The following SUZ12 variants were observed in gnomAD, a reference collection of about 807,000 sequenced individuals.
SUZ12 encodes the protein SUZ12 polycomb repressive complex 2 subunit.
Under a neutral mutation model 87.3 loss-of-function variants are expected in SUZ12, and 17 were observed. The ratio of observed to expected loss-of-function variants is 0.19; its 90% CI spans 0.13 to 0.29. The LOEUF (loss-of-function observed/expected upper bound fraction) is 0.29. SUZ12 is among the 10% of genes least tolerant of loss of function. The probability of loss-of-function intolerance (pLI) is 1.00; values close to 1 mark genes in which losing one functional copy is unlikely to be tolerated. For missense variants in SUZ12, 526 were observed against 912.2 expected (o/e 0.58, Z 5.45); for synonymous variants, 253 against 312.4 (o/e 0.81, Z 2.01).
At chr17:31,978,320 T>C (rs1238062452) in intron 8 of SUZ12, among the ~76,000 whole-genome samples, 5 of 152,190 alleles carry the variant, frequency 3.3e-5, no homozygotes. Context: ...GCGATTCACC[T>C]GCCTCAGCCT....
At position 31,937,328 on chromosome 17, in the gene SUZ12, T is replaced by G. The variant is rs1195824839; in HGVS notation, c.82T>G (p.Ser28Ala). 1.0e-5 allele frequency: 15 copies of G among 1,464,328 alleles called. No homozygotes were observed. The highest frequency in any genetic ancestry group is 1.5e-5 in the African/African-American group (1 of 67,452). The allele number at this position is 1,464,328 out of a possible 1,614,324, so 90.7% of individuals were successfully genotyped here. A position where few individuals can be genotyped will look rare whatever the true frequency, so the allele number is the denominator to read the frequency against. Reference protein sequence around the residue: ...AGSGGGGFGGSAAVAAATASG... With the variant: ...AGSGGGGFGGAAAVAAATASG... Reference sequence around the variant, plus strand: ...GTCCGGGGGAGGCGGCTTCGGGGGTTCGGCGGCGGTGGCGGCGGCGACGGC... The same window carrying G: ...GTCCGGGGGAGGCGGCTTCGGGGGTGCGGCGGCGGTGGCGGCGGCGACGGC... Residue 28 changes from serine (S) to alanine (A), a missense_variant, in exon 1 of 16, where the codon TCG becomes GCG. Ser to Ala is a moderately conservative substitution (Grantham distance 99). Around this residue, in one of 9 missense-constraint regions of SUZ12, gnomAD observed 92 missense variants for 109.9 expected, o/e 0.84. Coordinates refer to ENST00000322652, the MANE Select transcript of SUZ12 (RefSeq NM_015355.4).
intron 9 of SUZ12, among the ~76,000 whole-genome samples, chr17:31,986,495 T>C (rs965398429): frequency 5.9e-5 from 9 of 152,174 alleles, no homozygotes; most frequent in Admixed American, 2.6e-4. Context: ...GACTGCTGTG[T>C]CCAAACTAGT....
intron 5 of SUZ12, among the ~76,000 whole-genome samples, chr17:31,970,853 A>G (rs1435394759): frequency 2.6e-5 from 4 of 152,168 alleles, no homozygotes; most frequent in Non-Finnish European, 4.4e-5. Context: ...TTAGAACAAA[A>G]AATTTTTTTT....
chr17:31,964,686 G>C (rs1451175652), intron 4 of SUZ12, among the ~76,000 whole-genome samples: 1 of 152,152 alleles, frequency 6.6e-6, no homozygotes, highest in African/African-American at 2.4e-5. Context: ...TTACAGACGT[G>C]AAGCACTGCA....
intron 3 of SUZ12, among the ~76,000 whole-genome samples, chr17:31,944,277 C>T (rs982587597): frequency 6.6e-6 from 1 of 151,262 alleles, no homozygotes; most frequent in African/African-American, 2.4e-5. Flanking sequence ...TACAGGCATG[C>T]GCCACCATGC....
intron 5 of SUZ12, among the ~76,000 whole-genome samples, chr17:31,967,765 C>T (rs192339965): frequency 8.5e-4 from 130 of 152,154 alleles, no homozygotes; most frequent in African/African-American, 3.0e-3. Flanking sequence ...ACTTGGAAGT[C>T]CAAGATGGCA....
intron 4 of SUZ12, among the ~76,000 whole-genome samples, chr17:31,959,899 G>C (rs1309821067): frequency 6.6e-6 from 1 of 152,182 alleles, no homozygotes; most frequent in East Asian, 1.9e-4. Flanking sequence ...TTCTTTACCT[G>C]ATTTCTTGTT....
At chr17:31,997,193 G>A (rs778228408) in intron 15 of SUZ12, among the ~76,000 whole-genome samples, 1 of 152,120 alleles carries the variant, frequency 6.6e-6, no homozygotes, top group Non-Finnish European at 1.5e-5. Context: ...ATTTATCAGG[G>A]TTGTTGATTC....
At chr17:31,975,956 T>G (rs4037412) in intron 7 of SUZ12, among the ~76,000 whole-genome samples, 2 of 152,224 alleles carry the variant, frequency 1.3e-5, no homozygotes, top group Non-Finnish European at 2.9e-5. Flanking sequence ...ATACTTGTTG[T>G]GTATTTATCC....
chr17:31,995,145 C>G (rs764046350), intron 13 of SUZ12, among the ~76,000 whole-genome samples: 1 of 152,142 alleles, frequency 6.6e-6, no homozygotes, highest in Non-Finnish European at 1.5e-5. Flanking sequence ...AATTTTTAAT[C>G]TTAGTAAAAC....
chr17:31,988,244 A>G (rs1909516485), intron 9 of SUZ12, 76 bp from the exon 10 acceptor site: 2 of 1,385,910 alleles, frequency 1.4e-6, no homozygotes, highest in South Asian at 1.5e-5. Context: ...ACTTATAATG[A>G]ATTTTTTTTA....
At chr17:31,952,980 A>G (rs1907079981) in intron 4 of SUZ12, among the ~76,000 whole-genome samples, 1 of 152,186 alleles carries the variant, frequency 6.6e-6, no homozygotes, top group Non-Finnish European at 1.5e-5. Context: ...CCAGGGCCAA[A>G]CGAAGCAAAA....
At chr17:31,981,490 T>A (rs566820603) in intron 8 of SUZ12, among the ~76,000 whole-genome samples, 148 of 152,316 alleles carry the variant, frequency 9.7e-4, no homozygotes, top group African/African-American at 3.3e-3. Context: ...GTGCATTGGA[T>A]TGTAGGTATC....
intron 5 of SUZ12, among the ~76,000 whole-genome samples, chr17:31,969,556 A>G (rs1908293498): frequency 6.6e-6 from 1 of 152,168 alleles, no homozygotes; most frequent in Non-Finnish European, 1.5e-5. Flanking sequence ...CGGCCTCCCA[A>G]AGTGCTAGGA....
chr17:31,960,938 A>C (rs910254134), intron 4 of SUZ12, among the ~76,000 whole-genome samples: 1 of 152,174 alleles, frequency 6.6e-6, no homozygotes, highest in African/African-American at 2.4e-5. Flanking sequence ...AAGTCCGGGC[A>C]TGGTGGCTCA....
chr17:31,937,955 G>A (rs1378106126), intron 1 of SUZ12, among the ~76,000 whole-genome samples: 2 of 143,456 alleles, frequency 1.4e-5, no homozygotes, highest in Non-Finnish European at 3.0e-5. Context: ...CAGTGGAACC[G>A]AAGAAAGTGT....
At chr17:31,968,512 G>A (rs1282753110) in intron 5 of SUZ12, among the ~76,000 whole-genome samples, 1 of 152,198 alleles carries the variant, frequency 6.6e-6, no homozygotes, top group Non-Finnish European at 1.5e-5. Flanking sequence ...GATTACAGGT[G>A]TGAGCCACTG....
chr17:31,979,514 A>G (rs1409223439), intron 8 of SUZ12, among the ~76,000 whole-genome samples: 1 of 152,026 alleles, frequency 6.6e-6, no homozygotes, highest in African/African-American at 2.4e-5. Context: ...CTTTCTCCCT[A>G]CCTTCTGTGA....
At position 31,988,406 on chromosome 17, in the gene SUZ12, G is replaced by A. The variant is rs752381190; in HGVS notation, c.1110G>A (p.Thr370=). 9.3e-6 allele frequency: 15 copies of A among 1,613,458 alleles called. No individual in the cohort carries two copies. The highest frequency in any genetic ancestry group is 6.7e-5 in the Admixed American group (4 of 59,890). ...CAGGAGAGACCAATGATAAATCTAC[G>A]GCTCCTATTGCCAAACCTCTTGCCA... ...RWTGETNDKS[T]APIAKPLATR... Residue 370 remains threonine (T), a synonymous_variant, in exon 10 of 16, where the codon ACG becomes ACA. Coordinates refer to ENST00000322652, the MANE Select transcript of SUZ12 (RefSeq NM_015355.4).
Sources: allele counts gnomAD v4.1 joint callset (sites outside exome capture counted in the v4.1 genomes callset), GRCh38; gene constraint gnomAD v4.1.1; regional missense constraint gnomAD v4.1.1; transcripts MANE v1.5; gene names NCBI Gene and HGNC (gene_info 2026-07-23, HGNC 2026-07-21).